Variants in B4GALNT4 observed in about 807,000 individuals in gnomAD.
The protein encoded by B4GALNT4 is N-acetyl-beta-glucosaminyl-glycoprotein 4-beta-N-acetylgalactosaminyltransferase 1.
Under a neutral mutation model 110.0 loss-of-function variants are expected in B4GALNT4, and 77 were observed. The observed-to-expected ratio is 0.70, with a 90% CI of 0.58 to 0.85. The LOEUF (loss-of-function observed/expected upper bound fraction) is 0.85. B4GALNT4 is among the 40% of genes least tolerant of loss of function. B4GALNT4 has a pLI of 0.00. For synonymous variants in B4GALNT4, 785 were observed against 655.5 expected (o/e 1.20, Z -3.02); for missense variants, 1,575 against 1,506.0 (o/e 1.05, Z -0.76).
In B4GALNT4 at chr11:380,812, C is replaced by T. The variant is rs747319239; in HGVS notation, c.2870-13C>T. ...TGGTCTGAAGGGTAGCACCCCTCAC[C>T]CTCCCGCCCCAGGTTACTGGGAGGT... is the stretch of plus-strand genomic sequence containing the variant. On this transcript the variant is annotated splice_polypyrimidine_tract_variant and intron_variant, in intron 18 of 19. Coordinates refer to ENST00000329962, the MANE Select transcript of B4GALNT4 (RefSeq NM_178537.5). The T allele has an allele frequency of 8.7e-6, 14 of 1,613,668 alleles. No homozygotes were observed. The highest frequency in any genetic ancestry group is 6.7e-5 in the African/African-American group (5 of 74,890).
In B4GALNT4 at chr11:377,277, C is replaced by G. The variant is rs1374010954; in HGVS notation, c.2154C>G (p.Ala718=). The G allele has an allele frequency of 6.3e-7, 1 of 1,592,216 alleles. No homozygotes were observed. Among genetic ancestry groups the G allele is most frequent in the Non-Finnish European group, 8.5e-7 (1 of 1,170,982 alleles). ...SGNLQLPEAE[A]VDVTAQYMER... Reference sequence around the variant, plus strand: ...ACCTGCAGCTGCCGGAGGCGGAGGCCGTGGACGTGACCGCTCAGTACATGG... The same window carrying G: ...ACCTGCAGCTGCCGGAGGCGGAGGCGGTGGACGTGACCGCTCAGTACATGG... Residue 718 remains alanine (A), a synonymous_variant, in exon 14 of 20, where the codon GCC becomes GCG. Transcript: ENST00000329962.
In B4GALNT4 at chr11:380,768, G is replaced by T. The variant is rs1027934780; in HGVS notation, c.2870-57G>T. On this transcript the variant is annotated intron_variant, in intron 18 of 19. Coordinates refer to ENST00000329962, the MANE Select transcript of B4GALNT4 (RefSeq NM_178537.5). ...CGAGGTCTCCTAGCGGCGCTTTGCC[G>T]GGGGGACCTTGCAGGACCTGGTCTG... 9 of 1,583,992 alleles carry T rather than the reference G, an allele frequency of 5.7e-6. No homozygotes were observed. In the South Asian group the frequency reaches 8.9e-5, roughly 16 times the overall value.
At chr11:381,146 A>C (rs1466564759) in intron 19 of B4GALNT4, 195 bp downstream of exon 19, 1 of 984,806 alleles carries the variant, frequency 1.0e-6, no homozygotes, top group Non-Finnish European at 1.2e-6. Flanking sequence ...TCCCACCCCC[A>C]GGGTCCTGCA....
chr11:381,258 C>G (rs1237092747), intron 19 of B4GALNT4: 1 of 527,024 alleles, frequency 1.9e-6, no homozygotes, highest in Non-Finnish European at 2.4e-6. Context: ...CTCGAGGCAG[C>G]CCTGACACCC....
intron 2 of B4GALNT4, 25 bp downstream of exon 2, chr11:372,237 C>G (rs749035349): frequency 1.9e-6 from 3 of 1,542,866 alleles, no homozygotes; most frequent in Non-Finnish European, 2.6e-6. Flanking sequence ...GGGGAGAACA[C>G]GTGTGCACGG....
At chr11:374,516 T>C (rs1189568926) in intron 8 of B4GALNT4, among the ~76,000 whole-genome samples, 1 of 110,728 alleles carries the variant, frequency 9.0e-6, no homozygotes, top group East Asian at 2.5e-4. Context: ...GGGTGGTCTG[T>C]GGAGGCCCCA....
chr11:379,464 TCGGCG>T lies in B4GALNT4; in HGVS notation c.2254_2258del (p.Ala752ArgfsTer222). 6.4e-7 allele frequency: 1 copy of T among 1,555,530 alleles called. No homozygotes were observed. Among genetic ancestry groups the T allele is most frequent in the Non-Finnish European group, 8.6e-7 (1 of 1,158,834 alleles). On this transcript the variant is annotated frameshift_variant, in exon 15 of 20. Coordinates refer to ENST00000329962, the MANE Select transcript of B4GALNT4 (RefSeq NM_178537.5). LOFTEE classifies it high-confidence loss of function. ...CGTGAACGTGGAGAAGCGCCGGGACTCGGCGCGAGGGAGTCGCTTCCTGCTGGAGC... is the reference window on the plus strand; with the variant it reads ...CGTGAACGTGGAGAAGCGCCGGGACTCGAGGGAGTCGCTTCCTGCTGGAGC...
At chr11:372,085 A>T (rs1846626849) in intron 1 of B4GALNT4, 24 bp from the exon 2 acceptor site, 6 of 1,540,738 alleles carry the variant, frequency 3.9e-6, no homozygotes, top group Non-Finnish European at 5.3e-6. Flanking sequence ...TGGGCCCGAG[A>T]CAGGCCTCAT....
chr11:373,125 G>T lies in B4GALNT4; in HGVS notation c.535+9G>T. ...CCACCCGGCGAGGGACGGTACGGGG[G>T]TGAGGGTGCCCCGGGGGAGGGGTGC... On this transcript the variant is annotated intron_variant, in intron 5 of 19. Coordinates refer to ENST00000329962, the MANE Select transcript of B4GALNT4 (RefSeq NM_178537.5). The T allele has an allele frequency of 1.9e-6, 3 of 1,612,574 alleles. No homozygotes were observed. The highest frequency in any genetic ancestry group is 2.5e-6 in the Non-Finnish European group (3 of 1,179,862).
chr11:370,003 G>GGGCGCGGGGGACGCGGGGGGCGCGGGC, intron 1 of B4GALNT4, 49 bp downstream of exon 1: 1 of 140,764 alleles, frequency 7.1e-6, no homozygotes, highest in Non-Finnish European at 1.2e-5. Context: ...GCGGCGCGGG[G>GGGCGCGGGGGACGCGGGGGGCGCGGGC]GGCGCGGGGG....
At chr11:375,376 C>T in intron 8 of B4GALNT4, 85 bp from the exon 9 acceptor site, 9 of 1,404,876 alleles carry the variant, frequency 6.4e-6, no homozygotes, top group South Asian at 3.5e-5. Context: ...CCTATTAGTC[C>T]CCCGGCCCTG....
In B4GALNT4 at chr11:380,774, A is replaced by C. The variant is rs578135529; in HGVS notation, c.2870-51A>C. ...CTCCTAGCGGCGCTTTGCCGGGGGG[A>C]CCTTGCAGGACCTGGTCTGAAGGGT... On this transcript the variant is annotated intron_variant, in intron 18 of 19. Coordinates refer to ENST00000329962, the MANE Select transcript of B4GALNT4 (RefSeq NM_178537.5). The C allele has an allele frequency of 1.3e-5, 21 of 1,612,712 alleles. No individual in the cohort carries two copies. The African/African-American group carries it at 2.5e-4, about 19-fold the overall frequency.
intron 18 of B4GALNT4, 172 bp downstream of exon 18, chr11:380,617 C>G: frequency 8.0e-7 from 1 of 1,251,876 alleles, no homozygotes; most frequent in Non-Finnish European, 1.1e-6. Flanking sequence ...CAGGGCCATG[C>G]CAGGGGCCCC....
At chr11:380,667 C>G in intron 18 of B4GALNT4, 158 bp from the exon 19 acceptor site, 1 of 1,354,824 alleles carries the variant, frequency 7.4e-7, no homozygotes, top group Non-Finnish European at 1.0e-6. Context: ...GCACCGCGCT[C>G]CAGGGTCATG....
In B4GALNT4 at chr11:373,234, C is replaced by G; in HGVS notation, c.579C>G (p.Phe193Leu). ...FSVASDDNSE[F>L]WLSLDESPAA... is the part of the protein sequence containing the mutation. ...TGGCCTCAGACGACAACTCGGAGTT[C>G]TGGCTGAGTCTGGACGAGAGCCCTG... Residue 193 changes from phenylalanine (F) to leucine (L), a missense_variant, in exon 6 of 20, where the codon TTC becomes TTG. Phe to Leu is a conservative substitution (Grantham distance 22, BLOSUM62 0). Coordinates refer to ENST00000329962, the MANE Select transcript of B4GALNT4 (RefSeq NM_178537.5). 1 of 1,612,198 alleles carries G rather than the reference C, an allele frequency of 6.2e-7. No individual in the cohort carries two copies. Among genetic ancestry groups the G allele is most frequent in the Non-Finnish European group, 8.5e-7 (1 of 1,179,574 alleles).
At chr11:370,030 GGGCGCGGGC>G (rs1189847177) in intron 1 of B4GALNT4, 76 bp downstream of exon 1, 2,372 of 84,290 alleles carry the variant, frequency 0.028, 37 homozygotes, top group Non-Finnish European at 0.042. Context: ...GCGGCGCGGG[GGGCGCGGGC>G]GGCGCGGGCG....
At chr11:373,552 G>A (rs774886142) in intron 7 of B4GALNT4, 36 bp downstream of exon 7, 2 of 1,602,832 alleles carry the variant, frequency 1.2e-6, no homozygotes, top group Non-Finnish European at 1.7e-6. Flanking sequence ...GTGCACTTGT[G>A]TATTCGTGGG....
Position 377,077 on chromosome 11 carries a change from G to A in B4GALNT4, c.1954G>A (p.Asp652Asn). The change falls in exon 14 of 20, where the codon GAT (aspartate) becomes AAT (asparagine). Residue 652 changes from aspartate to asparagine, a missense_variant. Coordinates refer to ENST00000329962, the MANE Select transcript of B4GALNT4 (RefSeq NM_178537.5). ...CGAAGAGGAGGAGGAAGGGGAGGAC[G>A]ATGGGGCCCCGGGCGACGAGGCCGC... ...EGEEEEEGED[D>N]GAPGDEAASE... The A allele has an allele frequency of 6.9e-7, 1 of 1,446,544 alleles. No individual in the cohort carries two copies. Among genetic ancestry groups the A allele is most frequent in the Non-Finnish European group, 9.1e-7 (1 of 1,099,892 alleles). 89.6% of individuals were successfully genotyped at this position (1,446,544 alleles called of 1,614,324 possible).
Position 376,545 on chromosome 11 carries a change from C to CAAA in B4GALNT4, c.1422_1423insAAA (p.Leu474_Ala475insLys). ...CCCCCGCCCAGCCCGGAGCCACCCT[C>CAAA]GCCCCGCCGACCCCTCCCCGCCCCC... On this transcript the variant is annotated inframe_insertion, in exon 14 of 20. Coordinates refer to ENST00000329962, the MANE Select transcript of B4GALNT4 (RefSeq NM_178537.5). 1 of 1,394,136 alleles carries CAAA rather than the reference C, an allele frequency of 7.2e-7. No individual in the cohort carries two copies. Among genetic ancestry groups the CAAA allele is most frequent in the Non-Finnish European group, 9.2e-7 (1 of 1,084,934 alleles). 86.4% of individuals were successfully genotyped at this position (1,394,136 alleles called of 1,614,324 possible).
Sources: gnomAD v4.1 joint callset for allele counts (sites outside exome capture counted in the v4.1 genomes callset) on GRCh38, gnomAD v4.1.1 for gene constraint, MANE v1.5 for transcripts, NCBI Gene and HGNC (gene_info 2026-07-23, HGNC 2026-07-21) for gene names.